The following PTPRK variants were observed in gnomAD, a reference collection of about 807,000 sequenced individuals.
PTPRK encodes protein tyrosine phosphatase receptor type K.
Under a neutral mutation model 178.0 loss-of-function variants are expected in PTPRK, and 75 were observed. The ratio of observed to expected loss-of-function variants is 0.42; its 90% CI spans 0.35 to 0.51. The LOEUF (loss-of-function observed/expected upper bound fraction) is 0.51. Among genes scored for constraint, PTPRK ranks in the 20% least tolerant of loss-of-function variants. PTPRK has a pLI of 0.02. For missense variants in PTPRK, 1,441 were observed against 1,797.8 expected, an observed-to-expected ratio of 0.80 and a Z score of 3.59; for synonymous variants, 637 against 620.6, an observed-to-expected ratio of 1.03 and a Z score of -0.39.
intron 2 of PTPRK, among the ~76,000 whole-genome samples, chr6:128,335,347 A>G (rs1830771876): frequency 6.6e-6 from 1 of 151,744 alleles, no homozygotes; most frequent in Non-Finnish European, 1.5e-5. Flanking sequence ...AAGTACTATC[A>G]CCTAAGCCAA....
At chr6:128,250,520 T>G (rs1037969772) in intron 3 of PTPRK, among the ~76,000 whole-genome samples, 2 of 152,172 alleles carry the variant, frequency 1.3e-5, no homozygotes, top group Non-Finnish European at 2.9e-5. Flanking sequence ...GGATTAACTG[T>G]TTTACCTAAA....
chr6:128,184,793 A>G (rs1254610565), intron 6 of PTPRK, 68 bp from the exon 7 acceptor site: 19 of 1,443,054 alleles, frequency 1.3e-5, no homozygotes, highest in Non-Finnish European at 1.8e-5. Context: ...TTAGTGTCTA[A>G]TAAGGCCTAA....
At chr6:128,139,303 A>G (rs1484636493) in intron 7 of PTPRK, among the ~76,000 whole-genome samples, 1 of 152,082 alleles carries the variant, frequency 6.6e-6, no homozygotes, top group Non-Finnish European at 1.5e-5. Context: ...GTATTAAAAA[A>G]GTAGCTGCAA....
intron 7 of PTPRK, among the ~76,000 whole-genome samples, chr6:128,134,429 C>T (rs143431677): frequency 2.6e-5 from 4 of 152,136 alleles, no homozygotes; most frequent in East Asian, 1.9e-4. Context: ...TAGTTTTATG[C>T]GTCAGCTTGG....
chr6:128,161,339 T>C (rs1583278598), intron 7 of PTPRK, among the ~76,000 whole-genome samples: 1 of 151,634 alleles, frequency 6.6e-6, no homozygotes, highest in Admixed American at 6.6e-5. Context: ...GTGTATTCCA[T>C]AGCTTGTTAT....
At chr6:128,119,173 T>G (rs1363151034) in intron 7 of PTPRK, among the ~76,000 whole-genome samples, 1 of 152,028 alleles carries the variant, frequency 6.6e-6, no homozygotes, top group African/African-American at 2.4e-5. Flanking sequence ...GTCTTGATTC[T>G]CTCCAGTAAT....
chr6:128,267,542 A>C (rs1475837175), intron 3 of PTPRK, among the ~76,000 whole-genome samples: 1 of 152,120 alleles, frequency 6.6e-6, no homozygotes, highest in Non-Finnish European at 1.5e-5. Context: ...ATGCTCTTTA[A>C]AACTGTGTAA....
chr6:128,040,818 G>A (rs1024914613), intron 13 of PTPRK, among the ~76,000 whole-genome samples: 1 of 151,962 alleles, frequency 6.6e-6, no homozygotes, highest in African/African-American at 2.4e-5. Flanking sequence ...CATAAACCAA[G>A]CAGAAATGAT....
intron 13 of PTPRK, among the ~76,000 whole-genome samples, chr6:128,029,687 A>AATCATC (rs1554272725): frequency 4.3e-5 from 6 of 140,142 alleles, no homozygotes; most frequent in Admixed American, 1.5e-4. Flanking sequence ...TAATAATAAT[A>AATCATC]ATCCAGCCTC....
intron 5 of PTPRK, among the ~76,000 whole-genome samples, chr6:128,226,480 G>T (rs1289586494): frequency 1.3e-5 from 2 of 152,032 alleles, no homozygotes; most frequent in Non-Finnish European, 2.9e-5. Flanking sequence ...CCATAATCTA[G>T]TAAATAAGAT....
In PTPRK at chr6:128,322,325, C is replaced by T. The variant is rs1233567536; in HGVS notation, c.224-15G>A. 1 of 1,544,038 alleles carries T rather than the reference C, an allele frequency of 6.5e-7. No homozygotes were observed. Among genetic ancestry groups the T allele is most frequent in the Non-Finnish European group, 8.9e-7 (1 of 1,119,602 alleles). On this transcript the variant is annotated splice_polypyrimidine_tract_variant and intron_variant, in intron 2 of 29. Coordinates refer to ENST00000368226, the MANE Select transcript of PTPRK (RefSeq NM_002844.4). ...CATATAGGAACCTGAAATGACATTA[C>T]AAATAATAATGCTAAAGAGATATAT...
chr6:128,158,274 G>A (rs187880385), intron 7 of PTPRK, among the ~76,000 whole-genome samples: 2 of 151,800 alleles, frequency 1.3e-5, no homozygotes, highest in African/African-American at 2.4e-5. Context: ...GTGGGGGCAG[G>A]GGGGAGTGAA....
At chr6:128,060,906 G>A (rs938866952) in intron 13 of PTPRK, among the ~76,000 whole-genome samples, 2 of 152,078 alleles carry the variant, frequency 1.3e-5, no homozygotes, top group African/African-American at 4.8e-5. Flanking sequence ...ATATTGCTCT[G>A]ATACTTTTCA....
intron 3 of PTPRK, among the ~76,000 whole-genome samples, chr6:128,259,626 T>A (rs1185510840): frequency 6.6e-6 from 1 of 152,178 alleles, no homozygotes; most frequent in African/African-American, 2.4e-5. Context: ...TACAGTAAGT[T>A]TGCACTGGTT....
chr6:128,187,935 A>C (rs1458819253), intron 6 of PTPRK, among the ~76,000 whole-genome samples: 4 of 152,224 alleles, frequency 2.6e-5, no homozygotes, highest in African/African-American at 9.6e-5. Context: ...CCTTGATAAC[A>C]ATGGGGCTTA....
intron 1 of PTPRK, among the ~76,000 whole-genome samples, chr6:128,415,504 GAA>G (rs11373222): frequency 3.3e-3 from 479 of 144,012 alleles, no homozygotes; most frequent in African/African-American, 4.0e-3. Flanking sequence ...TATGCAGTGA[GAA>G]AAAAAAAAAA....
intron 7 of PTPRK, among the ~76,000 whole-genome samples, chr6:128,103,811 T>A (rs951382206): frequency 1.3e-5 from 2 of 152,132 alleles, no homozygotes; most frequent in Non-Finnish European, 2.9e-5. Context: ...GAACCCTGCT[T>A]CCTCTTTGAC....
Position 128,520,573 on chromosome 6 carries a change from T to G in PTPRK, c.-215A>C. 1 of 543,754 alleles carries G rather than the reference T, an allele frequency of 1.8e-6. No individual in the cohort carries two copies. The highest frequency in any genetic ancestry group is 3.3e-6 in the Non-Finnish European group (1 of 300,628). The allele number at this position is 543,754 out of a possible 1,614,324, so 33.7% of individuals were successfully genotyped here. A position where few individuals can be genotyped will look rare whatever the true frequency, so the allele number is the denominator to read the frequency against. On this transcript the variant is annotated 5_prime_UTR_variant, in exon 1 of 30. The change abolishes an upstream ATG in the 5' untranslated region. Transcript: ENST00000368226. ...GGCCGGCCGCGGCGGCAGCTCTCCA[T>G]GCTCGGCGGAGGCTGCTCCTGTTAG...
intron 13 of PTPRK, among the ~76,000 whole-genome samples, chr6:128,020,412 C>T (rs1210250727): frequency 6.6e-6 from 1 of 152,114 alleles, no homozygotes; most frequent in Non-Finnish European, 1.5e-5. Flanking sequence ...TATATGGAGA[C>T]GTTGGGGGAA....
Sources: gnomAD v4.1 joint callset for allele counts (sites outside exome capture counted in the v4.1 genomes callset) on GRCh38, gnomAD v4.1.1 for gene constraint, MANE v1.5 for transcripts, NCBI Gene and HGNC (gene_info 2026-07-23, HGNC 2026-07-21) for gene names.